SCEL: variants seen among roughly 807,000 people sequenced by gnomAD.
The protein encoded by SCEL is sciellin.
In SCEL, 113 loss-of-function variants were observed where a neutral mutation model predicts 117.6. The observed-to-expected ratio is 0.96, with a 90% CI of 0.83 to 1.12. The LOEUF is 1.12. Ranked by LOEUF, SCEL falls within the 50% of genes most tolerant of loss-of-function variation. SCEL has a pLI of 0.00. For synonymous variants in SCEL, 270 were observed against 256.2 expected (o/e 1.05, Z -0.51); for missense variants, 785 against 810.8 (o/e 0.97, Z 0.39).
chr13:77,635,407 G>T (rs1046507279), intron 29 of SCEL, among the ~76,000 whole-genome samples: 5 of 152,100 alleles, frequency 3.3e-5, no homozygotes, highest in African/African-American at 1.2e-4. Context: ...ATATCAAATA[G>T]TATCATAGTG....
intron 5 of SCEL, 46 bp from the exon 6 acceptor site, chr13:77,567,634 A>T: frequency 7.3e-7 from 1 of 1,366,636 alleles, no homozygotes; most frequent in East Asian, 2.3e-5. Context: ...AAGGAGTTTG[A>T]TAATTTAAAT....
intron 28 of SCEL, among the ~76,000 whole-genome samples, chr13:77,630,549 C>G (rs759401516): frequency 6.6e-6 from 1 of 152,158 alleles, no homozygotes; most frequent in Non-Finnish European, 1.5e-5. Flanking sequence ...TAGGTGTATA[C>G]CAGGAGTGAA....
rs772640451 is a variant in SCEL at position 77,608,097 on chromosome 13, T to A, written c.1199T>A (p.Val400Glu). 6.2e-7 allele frequency: 1 copy of A among 1,613,094 alleles called. No individual in the cohort carries two copies. Among genetic ancestry groups the A allele is most frequent in the Non-Finnish European group, 8.5e-7 (1 of 1,179,326 alleles). ...AATCTCATCAAAGTGACCCCTGAAG[T>A]AAAGAGAAGTAACCAAGGGTGAGGA... ...LDNLIKVTPE[V>E]KRSNQGSKDL... The change falls in exon 20 of 33, where the codon GTA becomes GAA. Residue 400 changes from valine to glutamate, a missense_variant. Val to Glu is a moderately radical substitution (Grantham distance 121). Coordinates refer to ENST00000349847, the MANE Select transcript of SCEL (RefSeq NM_144777.3).
chr13:77,644,352 T>C lies in SCEL; in HGVS notation c.*78T>C. On this transcript the variant is annotated 3_prime_UTR_variant, in exon 33 of 33. Coordinates refer to ENST00000349847, the MANE Select transcript of SCEL (RefSeq NM_144777.3). ...CAAGTTTTATCTTAATAATATGTAA[T>C]CTAGAAAAGCTTTCACATTGAAGAT... The C allele has an allele frequency of 7.1e-7, 1 of 1,416,238 alleles. No homozygotes were observed. The allele number at this position is 1,416,238 out of a possible 1,614,324, so 87.7% of individuals were successfully genotyped here. A position where few individuals can be genotyped will look rare whatever the true frequency, so the allele number is the denominator to read the frequency against.
Position 77,640,748 on chromosome 13 carries a change from T to C in SCEL, c.1911T>C (p.Asp637=). The C allele has an allele frequency of 9.3e-6, 15 of 1,604,332 alleles. No homozygotes were observed. Among genetic ancestry groups the C allele is most frequent in the Non-Finnish European group, 1.1e-5 (13 of 1,172,936 alleles). The change falls in exon 31 of 33, where the codon GAT becomes GAC. Residue 637 remains aspartate (D), a synonymous_variant. Coordinates refer to ENST00000349847, the MANE Select transcript of SCEL (RefSeq NM_144777.3). ...GTGTAGAAACTAAAATGATTTTAGA[T>C]GAATTACAAATTTGCTGCCATTCTA... The part of the protein sequence containing the change: ...PLGVETKMIL[D]ELQICCHSTC...
At chr13:77,630,413 TTATC>T (rs1331137503) in intron 28 of SCEL, among the ~76,000 whole-genome samples, 15 of 152,332 alleles carry the variant, frequency 9.8e-5, no homozygotes, top group Non-Finnish European at 1.6e-4. Flanking sequence ...ACAATTTTGT[TTATC>T]TATTCATCAC....
At chr13:77,591,035 A>C (rs2086837528) in intron 10 of SCEL, among the ~76,000 whole-genome samples, 1 of 152,156 alleles carries the variant, frequency 6.6e-6, no homozygotes, top group South Asian at 2.1e-4. Context: ...TTTAAGAAAA[A>C]AATCCCTTTG....
At chr13:77,608,972 T>C (rs1250799054) in intron 20 of SCEL, 86 bp from the exon 21 acceptor site, 9 of 1,080,090 alleles carry the variant, frequency 8.3e-6, no homozygotes, top group South Asian at 1.5e-5. Context: ...AAAATTTATC[T>C]TGAGTACATG....
At chr13:77,630,560 A>G (rs1179739472) in intron 28 of SCEL, among the ~76,000 whole-genome samples, 2 of 152,188 alleles carry the variant, frequency 1.3e-5, no homozygotes, top group Non-Finnish European at 2.9e-5. Context: ...CAGGAGTGAA[A>G]TTGCTGGATT....
chr13:77,552,439 T>G (rs1382158199), intron 1 of SCEL, among the ~76,000 whole-genome samples: 1 of 152,094 alleles, frequency 6.6e-6, no homozygotes, highest in African/African-American at 2.4e-5. Context: ...ATTTCTCTGA[T>G]GGCCAGTGAT....
intron 11 of SCEL, 65 bp downstream of exon 11, chr13:77,591,525 T>C (rs1048100285): frequency 2.2e-6 from 2 of 921,336 alleles, no homozygotes. Flanking sequence ...TCTCAGCACA[T>C]TAAAAAATGC....
intron 28 of SCEL, among the ~76,000 whole-genome samples, 161 bp downstream of exon 28, chr13:77,628,170 G>GTGTATATATATA (rs10700333): frequency 0.019 from 2,597 of 139,610 alleles, 54 homozygotes; most frequent in African/African-American, 0.047. Flanking sequence ...ATATGTGTGT[G>GTGTATATATATA]TATATATATA....
At chr13:77,599,907 C>A in intron 15 of SCEL, 159 bp downstream of exon 15, 1 of 595,384 alleles carries the variant, frequency 1.7e-6, no homozygotes, top group African/African-American at 1.9e-5. Flanking sequence ...GGTTTTGCCA[C>A]CAACATCAAT....
At chr13:77,627,825 T>C (rs1319476048) in intron 27 of SCEL, 122 bp from the exon 28 acceptor site, 3 of 303,156 alleles carry the variant, frequency 9.9e-6, no homozygotes, top group East Asian at 1.1e-4. Context: ...CAATCTCCCA[T>C]AGCCTGATAG....
At chr13:77,575,104 C>T (rs951490312) in intron 9 of SCEL, among the ~76,000 whole-genome samples, 12 of 152,180 alleles carry the variant, frequency 7.9e-5, no homozygotes, top group African/African-American at 2.9e-4. Flanking sequence ...TAGCCCTTAA[C>T]ACCATGGGTT....
intron 9 of SCEL, among the ~76,000 whole-genome samples, chr13:77,574,960 C>T (rs1433058098): frequency 1.3e-5 from 2 of 152,154 alleles, no homozygotes; most frequent in African/African-American, 4.8e-5. Context: ...TACTTTTTCA[C>T]CACCTAATCT....
chr13:77,633,390 T>C (rs1458329958), intron 28 of SCEL, among the ~76,000 whole-genome samples: 9 of 131,772 alleles, frequency 6.8e-5, no homozygotes, highest in Non-Finnish European at 9.3e-5. Context: ...GAGCCGAGAT[T>C]GCGCCACTGC....
At chr13:77,575,771 G>A (rs2085906399) in intron 9 of SCEL, among the ~76,000 whole-genome samples, 1 of 152,162 alleles carries the variant, frequency 6.6e-6, no homozygotes, top group South Asian at 2.1e-4. Flanking sequence ...GGATATTGAT[G>A]TTTTCTGTCT....
intron 18 of SCEL, 38 bp from the exon 19 acceptor site, chr13:77,604,318 T>A (rs762943113): frequency 8.1e-6 from 11 of 1,359,146 alleles, no homozygotes; most frequent in Middle Eastern, 1.8e-4. Context: ...GTGCTATACT[T>A]TAACATCATT....
Sources: gnomAD v4.1 joint callset for allele counts (sites outside exome capture counted in the v4.1 genomes callset) on GRCh38, gnomAD v4.1.1 for gene constraint, MANE v1.5 for transcripts, NCBI Gene and HGNC (gene_info 2026-07-23, HGNC 2026-07-21) for gene names.